Variants in PHACTR3 observed in about 807,000 individuals in gnomAD.
PHACTR3 encodes the protein phosphatase and actin regulator 3.
PHACTR3 carries 16 observed loss-of-function variants against 66.8 expected under a neutral mutation model. The observed-to-expected ratio is 0.24, with a 90% confidence interval of 0.16 to 0.36. The LOEUF (loss-of-function observed/expected upper bound fraction) is 0.36. PHACTR3 is among the 10% of genes least tolerant of loss of function. The pLI, the probability that PHACTR3 is intolerant of heterozygous loss-of-function variation, is 1.00. For synonymous variants in PHACTR3, 323 were observed against 292.1 expected (o/e 1.11, Z -1.08); for missense variants, 647 against 719.9 (o/e 0.90, Z 1.16).
chr20:59,612,081 A>G (rs1321542692), intron 1 of PHACTR3, among the ~76,000 whole-genome samples: 1 of 152,176 alleles, frequency 6.6e-6, no homozygotes, highest in Non-Finnish European at 1.5e-5. Context: ...AGCTTTAGCC[A>G]GGGCAGCATA....
chr20:59,740,487 T>G (rs1284902699), intron 1 of PHACTR3, among the ~76,000 whole-genome samples: 1 of 151,156 alleles, frequency 6.6e-6, no homozygotes, highest in Non-Finnish European at 1.5e-5. Flanking sequence ...TTTGTAGAGG[T>G]GGAGTCTCTG....
At chr20:59,743,356 C>T (rs2039245015) in intron 2 of PHACTR3, 88 bp downstream of exon 2, 6 of 1,510,440 alleles carry the variant, frequency 4.0e-6, no homozygotes, top group Non-Finnish European at 5.4e-6. Flanking sequence ...TCTGTGACTT[C>T]CTGGCCCCTA....
chr20:59,663,807 A>G (rs2035897337), intron 1 of PHACTR3, among the ~76,000 whole-genome samples: 1 of 152,186 alleles, frequency 6.6e-6, no homozygotes, highest in Admixed American at 6.5e-5. Context: ...AGATGAAAAC[A>G]CTTGGGAACA....
At chr20:59,692,329 C>T (rs867024543) in intron 1 of PHACTR3, among the ~76,000 whole-genome samples, 2 of 152,210 alleles carry the variant, frequency 1.3e-5, no homozygotes, top group Non-Finnish European at 2.9e-5. Context: ...CGTGGTTCAG[C>T]TCTGGAGGTG....
intron 1 of PHACTR3, among the ~76,000 whole-genome samples, chr20:59,612,042 G>A (rs529369232): frequency 1.1e-4 from 17 of 152,302 alleles, no homozygotes; most frequent in African/African-American, 3.9e-4. Flanking sequence ...GACGGTGCAG[G>A]TAGTGGGTGT....
intron 1 of PHACTR3, among the ~76,000 whole-genome samples, chr20:59,698,418 G>A (rs544475061): frequency 1.3e-5 from 2 of 151,952 alleles, no homozygotes; most frequent in East Asian, 3.9e-4. Context: ...TTCCTTCTGG[G>A]AGTGTTGAAT....
At chr20:59,625,656 C>A (rs1451871807) in intron 1 of PHACTR3, among the ~76,000 whole-genome samples, 1 of 152,176 alleles carries the variant, frequency 6.6e-6, no homozygotes. Flanking sequence ...AGCTTTCCCC[C>A]TCTGAGCCCA....
At chr20:59,751,376 C>T (rs530104815) in intron 3 of PHACTR3, among the ~76,000 whole-genome samples, 11 of 152,258 alleles carry the variant, frequency 7.2e-5, no homozygotes, top group South Asian at 2.1e-4. Flanking sequence ...TCAGGGACTC[C>T]AGAGCCTCAT....
At chr20:59,643,817 G>T (rs75979529) in intron 1 of PHACTR3, among the ~76,000 whole-genome samples, 2 of 152,146 alleles carry the variant, frequency 1.3e-5, no homozygotes, top group South Asian at 2.1e-4. Context: ...AAGTGAAAAG[G>T]GGGGTGGGGA....
At chr20:59,724,889 G>A (rs1189643026) in intron 1 of PHACTR3, among the ~76,000 whole-genome samples, 1 of 152,236 alleles carries the variant, frequency 6.6e-6, no homozygotes, top group East Asian at 1.9e-4. Context: ...TGTGTGCTCA[G>A]TGAGGCTGTG....
At chr20:59,599,310 G>A (rs1203422003) in intron 1 of PHACTR3, among the ~76,000 whole-genome samples, 5 of 152,188 alleles carry the variant, frequency 3.3e-5, no homozygotes, top group African/African-American at 4.8e-5. Flanking sequence ...AAAAATCCCC[G>A]TGCCTGTGAA....
chr20:59,781,036 A>G (rs1044200791), intron 7 of PHACTR3, among the ~76,000 whole-genome samples: 2 of 152,328 alleles, frequency 1.3e-5, no homozygotes, highest in South Asian at 2.1e-4. Context: ...ACTGCCTCAC[A>G]GGCATGAAGC....
chr20:59,709,874 G>A (rs1555819802), intron 1 of PHACTR3, among the ~76,000 whole-genome samples: 1 of 152,026 alleles, frequency 6.6e-6, no homozygotes, highest in Non-Finnish European at 1.5e-5. Flanking sequence ...CCTTGATTAG[G>A]TAAAGCCATC....
At chr20:59,610,634 A>C (rs1378692015) in intron 1 of PHACTR3, among the ~76,000 whole-genome samples, 1 of 152,266 alleles carries the variant, frequency 6.6e-6, no homozygotes, top group Non-Finnish European at 1.5e-5. Flanking sequence ...CGGGAGCCCC[A>C]TGCAGCTGTG....
intron 11 of PHACTR3, 118 bp downstream of exon 11, chr20:59,841,653 C>A: frequency 2.9e-6 from 3 of 1,028,998 alleles, no homozygotes; most frequent in Non-Finnish European, 4.0e-6. Context: ...GGGTATACTG[C>A]AGTAAATATT....
chr20:59,746,917 A>G (rs1257970809), intron 2 of PHACTR3, among the ~76,000 whole-genome samples: 2 of 152,244 alleles, frequency 1.3e-5, no homozygotes. Context: ...TCATCACAGC[A>G]GTGGAAACAG....
At chr20:59,746,100 C>T (rs900193987) in intron 2 of PHACTR3, among the ~76,000 whole-genome samples, 4 of 152,226 alleles carry the variant, frequency 2.6e-5, no homozygotes, top group African/African-American at 9.6e-5. Flanking sequence ...ACAATTCTGG[C>T]ACCTGGAAAT....
chr20:59,629,381 G>A (rs1234952737), intron 1 of PHACTR3, among the ~76,000 whole-genome samples: 2 of 152,320 alleles, frequency 1.3e-5, no homozygotes, highest in African/African-American at 4.8e-5. Flanking sequence ...TCCCTCCGCT[G>A]TTCTGGCTGA....
intron 12 of PHACTR3, 88 bp downstream of exon 12, chr20:59,845,353 G>C: frequency 1.2e-6 from 1 of 827,942 alleles, no homozygotes; most frequent in Non-Finnish European, 2.0e-6. Context: ...CATGTATCCA[G>C]CTATACAAAT....
Sources: gnomAD v4.1 joint callset for allele counts (sites outside exome capture counted in the v4.1 genomes callset) on GRCh38, gnomAD v4.1.1 for gene constraint, MANE v1.5 for transcripts, NCBI Gene and HGNC (gene_info 2026-07-23, HGNC 2026-07-21) for gene names.